The following SERGEF variants were observed in gnomAD, a reference collection of about 807,000 sequenced individuals.
SERGEF encodes secretion-regulating guanine nucleotide exchange factor.
SERGEF carries 51 observed loss-of-function variants against 50.0 expected under a neutral mutation model. The observed-to-expected ratio is 1.02, with a 90% confidence interval of 0.81 to 1.29. The LOEUF is 1.29. SERGEF is among the 50% of genes most tolerant of loss of function. SERGEF has a pLI of 0.00. For synonymous variants in SERGEF, 205 were observed against 212.4 expected (o/e 0.97, Z 0.30); for missense variants, 521 against 557.0 (o/e 0.94, Z 0.65).
intron 10 of SERGEF, among the ~76,000 whole-genome samples, chr11:17,861,338 A>G (rs1850922725): frequency 6.6e-6 from 1 of 152,228 alleles, no homozygotes; most frequent in South Asian, 2.1e-4. Flanking sequence ...TAAGGATGAG[A>G]AACCCACAGT....
intron 10 of SERGEF, among the ~76,000 whole-genome samples, chr11:17,793,896 C>T (rs1849529655): frequency 6.6e-6 from 1 of 152,250 alleles, no homozygotes; most frequent in Admixed American, 6.5e-5. Context: ...AAGAGCCCTG[C>T]AGGCAACGGA....
chr11:17,830,654 GA>G (rs1275293537), intron 10 of SERGEF, among the ~76,000 whole-genome samples: 1 of 105,314 alleles, frequency 9.5e-6, no homozygotes, highest in African/African-American at 3.2e-5. Context: ...GGGAGGGAGA[GA>G]GAGAGAGAGA....
intron 4 of SERGEF, chr11:18,001,836 T>C (rs766881282): frequency 2.6e-5 from 8 of 307,734 alleles, no homozygotes; most frequent in Non-Finnish European, 3.9e-5. Flanking sequence ...AAAGGAACTC[T>C]ATAGCATAAT....
intron 8 of SERGEF, among the ~76,000 whole-genome samples, chr11:17,965,981 A>C (rs1853114446): frequency 1.3e-5 from 2 of 152,184 alleles, no homozygotes; most frequent in Admixed American, 1.3e-4. Flanking sequence ...TACTACTACT[A>C]TTCTCCCAAA....
chr11:17,789,641 A>T (rs1849447368), intron 10 of SERGEF, among the ~76,000 whole-genome samples: 1 of 152,256 alleles, frequency 6.6e-6, no homozygotes, highest in East Asian at 1.9e-4. Flanking sequence ...GAAACAATGG[A>T]CAATATGGAT....
intron 9 of SERGEF, among the ~76,000 whole-genome samples, chr11:17,924,662 T>C (rs1852217847): frequency 7.4e-6 from 1 of 135,432 alleles, no homozygotes. Context: ...CGGGGGGTGA[T>C]TTGGGTTGAG....
At chr11:17,857,238 C>T (rs1399957338) in intron 10 of SERGEF, among the ~76,000 whole-genome samples, 1 of 152,176 alleles carries the variant, frequency 6.6e-6, no homozygotes, top group Non-Finnish European at 1.5e-5. Flanking sequence ...GGACATAGCC[C>T]ATAACTTGCT....
At chr11:17,931,907 G>T (rs980964653) in intron 9 of SERGEF, among the ~76,000 whole-genome samples, 2 of 152,156 alleles carry the variant, frequency 1.3e-5, no homozygotes. Flanking sequence ...TGCATGCTGA[G>T]GTTTGAGAGT....
chr11:17,826,175 A>C (rs1450176459), intron 10 of SERGEF, among the ~76,000 whole-genome samples: 3 of 152,240 alleles, frequency 2.0e-5, no homozygotes, highest in Admixed American at 6.5e-5. Context: ...ATATCATTTA[A>C]TCTTCACCAT....
chr11:17,948,973 TG>T (rs1245155619), intron 9 of SERGEF, among the ~76,000 whole-genome samples: 1 of 152,188 alleles, frequency 6.6e-6, no homozygotes, highest in Non-Finnish European at 1.5e-5. Flanking sequence ...TGGCCACCAC[TG>T]GCAGTGTCCC....
In SERGEF at chr11:17,935,991, T is replaced by C. The variant is rs1852445742; in HGVS notation, c.1011+23479A>G. On this transcript the variant is annotated intron_variant, in intron 9 of 10. Transcript: ENST00000265965. ...TCAGTCTTTATGTGCATATGTGCATTTGTGCTATAATTCATTAATTCAGGC... is the reference window on the plus strand; with the variant it reads ...TCAGTCTTTATGTGCATATGTGCATCTGTGCTATAATTCATTAATTCAGGC... Among the ~76,000 whole-genome samples the C allele has an allele frequency of 3.3e-5, 5 of 152,292 alleles. No individual in the cohort carries two copies. The South Asian group carries it at 1.0e-3, about 32-fold the overall frequency.
intron 8 of SERGEF, among the ~76,000 whole-genome samples, chr11:17,973,544 C>A (rs1183414585): frequency 6.6e-6 from 1 of 152,152 alleles, no homozygotes; most frequent in African/African-American, 2.4e-5. Flanking sequence ...CCAGAGGCAG[C>A]AGTAGGGAAG....
intron 10 of SERGEF, among the ~76,000 whole-genome samples, chr11:17,858,970 C>G (rs1850874123): frequency 6.6e-6 from 1 of 152,062 alleles, no homozygotes; most frequent in South Asian, 2.1e-4. Flanking sequence ...TTTTTCAGTC[C>G]TGAGATCTGC....
At chr11:17,934,682 G>T (rs1387074441) in intron 9 of SERGEF, among the ~76,000 whole-genome samples, 3 of 152,108 alleles carry the variant, frequency 2.0e-5, no homozygotes, top group African/African-American at 7.2e-5. Context: ...TTGTACCTAT[G>T]GAAGAAAGAG....
chr11:17,808,053 C>A (rs1849794666), intron 10 of SERGEF, among the ~76,000 whole-genome samples: 1 of 152,152 alleles, frequency 6.6e-6, no homozygotes, highest in African/African-American at 2.4e-5. Context: ...TTTCTTGGGG[C>A]TAAAGGCCTG....
intron 10 of SERGEF, among the ~76,000 whole-genome samples, chr11:17,867,554 T>C (rs936571994): frequency 1.3e-5 from 2 of 152,186 alleles, no homozygotes; most frequent in Non-Finnish European, 2.9e-5. Context: ...CAGCTGTCAG[T>C]GGATCTACCA....
At chr11:17,984,139 A>G in intron 8 of SERGEF, among the ~76,000 whole-genome samples, 1 of 152,198 alleles carries the variant, frequency 6.6e-6, no homozygotes, top group East Asian at 1.9e-4. Context: ...CTTTCAACTG[A>G]GGTATGAAGA....
intron 9 of SERGEF, chr11:17,926,896 C>G (rs1387843618): frequency 2.2e-6 from 1 of 455,530 alleles, no homozygotes; most frequent in Non-Finnish European, 4.4e-6. Flanking sequence ...AAAAGGTTAC[C>G]CACTGGTCTA....
At chr11:17,851,658 C>T (rs575021130) in intron 10 of SERGEF, among the ~76,000 whole-genome samples, 5 of 152,228 alleles carry the variant, frequency 3.3e-5, no homozygotes, top group Non-Finnish European at 7.4e-5. Context: ...GAAATTTCTC[C>T]GAAGTTTTAA....
Sources: gnomAD v4.1 joint callset for allele counts (sites outside exome capture counted in the v4.1 genomes callset) on GRCh38, gnomAD v4.1.1 for gene constraint, MANE v1.5 for transcripts, NCBI Gene and HGNC (gene_info 2026-07-23, HGNC 2026-07-21) for gene names.